Variants in CAB39 observed in about 807,000 individuals in gnomAD.
The protein encoded by CAB39 is calcium-binding protein 39.
In CAB39, 8 loss-of-function variants were observed where a neutral mutation model predicts 40.0. That is an observed-to-expected ratio of 0.20 (90% CI 0.12 to 0.36). The LOEUF is 0.36. Ranked by LOEUF, CAB39 falls within the 10% of genes least tolerant of loss-of-function variation. CAB39 has a pLI of 1.00. For missense variants in CAB39, 270 were observed against 401.1 expected (o/e 0.67, Z 2.79); for synonymous variants, 156 against 141.6 (o/e 1.10, Z -0.72).
In CAB39 at chr2:230,819,921, T is replaced by A. The variant is rs989950774; in HGVS notation, c.*1217T>A. On this transcript the variant is annotated 3_prime_UTR_variant, in exon 9 of 9. Coordinates refer to ENST00000258418, the MANE Select transcript of CAB39 (RefSeq NM_016289.4). ...TAGACTAAGTAACCCAGTACAATAGTTGTGAACTGAATAATTAAAACTTTG... is the reference window on the plus strand; with the variant it reads ...TAGACTAAGTAACCCAGTACAATAGATGTGAACTGAATAATTAAAACTTTG... The A allele has an allele frequency of 6.6e-6, 1 of 152,648 alleles. No individual in the cohort carries two copies. The highest frequency in any genetic ancestry group is 1.5e-5 in the Non-Finnish European group (1 of 68,034). The allele number at this position is 152,648 out of a possible 1,614,324, so 9.5% of individuals were successfully genotyped here.
chr2:230,727,691 A>G (rs769893598), intron 1 of CAB39, among the ~76,000 whole-genome samples: 1 of 152,000 alleles, frequency 6.6e-6, no homozygotes, highest in Non-Finnish European at 1.5e-5. Flanking sequence ...TTGCGATTAC[A>G]GGTGTAAGCC....
intron 4 of CAB39, among the ~76,000 whole-genome samples, chr2:230,794,295 T>C (rs1360542763): frequency 6.6e-6 from 1 of 152,232 alleles, no homozygotes; most frequent in Non-Finnish European, 1.5e-5. Flanking sequence ...TTTCTAACCA[T>C]CTGTGTTACT....
intron 1 of CAB39, chr2:230,725,190 T>A: frequency 6.2e-7 from 1 of 1,609,304 alleles, no homozygotes; most frequent in Non-Finnish European, 8.5e-7. Flanking sequence ...CGGGACTGCT[T>A]GGCGCTGGCG....
At chr2:230,752,055 C>T (rs1182949065) in intron 1 of CAB39, 1 of 126,484 alleles carries the variant, frequency 7.9e-6, no homozygotes, top group South Asian at 2.9e-4. Flanking sequence ...CATACACACC[C>T]CCAACCTCAA....
intron 1 of CAB39, among the ~76,000 whole-genome samples, chr2:230,758,818 T>G (rs1695240132): frequency 6.6e-6 from 1 of 152,166 alleles, no homozygotes; most frequent in Admixed American, 6.5e-5. Context: ...TCCATAAGGT[T>G]TTTCTAAAAA....
chr2:230,816,737 T>A (rs1252783525), intron 7 of CAB39, among the ~76,000 whole-genome samples: 1 of 152,232 alleles, frequency 6.6e-6, no homozygotes, highest in African/African-American at 2.4e-5. Flanking sequence ...TGCACACTGA[T>A]GCTCGTTTCT....
chr2:230,738,502 A>G (rs1694824537), intron 1 of CAB39, among the ~76,000 whole-genome samples: 1 of 152,158 alleles, frequency 6.6e-6, no homozygotes, highest in Admixed American at 6.5e-5. Context: ...GATGTGGAGG[A>G]GTGGAGTGGA....
chr2:230,798,424 C>T (rs535559941), intron 4 of CAB39, among the ~76,000 whole-genome samples: 8 of 152,230 alleles, frequency 5.3e-5, no homozygotes, highest in Admixed American at 2.0e-4. Context: ...TGGTATGACC[C>T]GAAATACTTC....
At chr2:230,768,665 G>A (rs1298089678) in intron 2 of CAB39, among the ~76,000 whole-genome samples, 1 of 152,122 alleles carries the variant, frequency 6.6e-6, no homozygotes, top group Non-Finnish European at 1.5e-5. Context: ...CACCAAAAAC[G>A]GGTCAATTAG....
chr2:230,784,750 C>T (rs564229616), intron 2 of CAB39, among the ~76,000 whole-genome samples: 22 of 152,190 alleles, frequency 1.4e-4, no homozygotes, highest in Admixed American at 2.6e-4. Context: ...AGAATTAACG[C>T]GGGAAGAAAT....
At chr2:230,812,233 T>A (rs1696318186) in intron 6 of CAB39, among the ~76,000 whole-genome samples, 1 of 152,158 alleles carries the variant, frequency 6.6e-6, no homozygotes, top group Non-Finnish European at 1.5e-5. Context: ...TTGGCGTTCT[T>A]AAAGGAGAGT....
intron 5 of CAB39, among the ~76,000 whole-genome samples, chr2:230,805,156 C>T (rs951880332): frequency 6.6e-6 from 1 of 151,570 alleles, no homozygotes; most frequent in Non-Finnish European, 1.5e-5. Context: ...GACAGAAAAC[C>T]AAACACCGCA....
chr2:230,817,486 T>TG (rs559362698), intron 7 of CAB39, among the ~76,000 whole-genome samples: 67 of 152,276 alleles, frequency 4.4e-4, no homozygotes, highest in African/African-American at 1.6e-3. Context: ...AGTCTCCCAC[T>TG]GGGGCCAAGG....
chr2:230,790,388 C>T (rs1156529205), intron 2 of CAB39, among the ~76,000 whole-genome samples: 1 of 152,172 alleles, frequency 6.6e-6, no homozygotes, highest in African/African-American at 2.4e-5. Context: ...TAGCTTTGCA[C>T]TCACCCATTT....
intron 1 of CAB39, among the ~76,000 whole-genome samples, chr2:230,742,390 T>C (rs1460427512): frequency 6.6e-6 from 1 of 152,106 alleles, no homozygotes; most frequent in Non-Finnish European, 1.5e-5. Flanking sequence ...TTAGCCAGGA[T>C]GGTCTCGATC....
intron 1 of CAB39, among the ~76,000 whole-genome samples, chr2:230,715,976 C>T (rs142440394): frequency 5.6e-4 from 86 of 152,330 alleles, no homozygotes; most frequent in African/African-American, 2.0e-3. Context: ...GGATTACAGG[C>T]GTGAGCCACC....
intron 5 of CAB39, among the ~76,000 whole-genome samples, chr2:230,800,196 T>G (rs1696064345): frequency 6.6e-6 from 1 of 152,108 alleles, no homozygotes; most frequent in Non-Finnish European, 1.5e-5. Context: ...CACACTTTGG[T>G]CTCTGGGTGA....
chr2:230,766,456 A>G (rs751960211), intron 2 of CAB39, among the ~76,000 whole-genome samples: 1 of 152,202 alleles, frequency 6.6e-6, no homozygotes, highest in South Asian at 2.1e-4. Context: ...TGTCATTACC[A>G]TGGGGAGAGC....
At chr2:230,789,316 A>G (rs1695851946) in intron 2 of CAB39, among the ~76,000 whole-genome samples, 1 of 152,068 alleles carries the variant, frequency 6.6e-6, no homozygotes, top group Non-Finnish European at 1.5e-5. Context: ...TAATGTCCTT[A>G]TTGAGTATTT....
Sources: gnomAD v4.1 joint callset for allele counts (sites outside exome capture counted in the v4.1 genomes callset) on GRCh38, gnomAD v4.1.1 for gene constraint, MANE v1.5 for transcripts, NCBI Gene and HGNC (gene_info 2026-07-23, HGNC 2026-07-21) for gene names.